The following SON variants were observed in gnomAD, a reference collection of about 807,000 sequenced individuals.
SON encodes protein SON.
Under a neutral mutation model 173.3 loss-of-function variants are expected in SON, and 4 were observed. The ratio of observed to expected loss-of-function variants is 0.02; its 90% CI spans 0.01 to 0.05. SON has a LOEUF of 0.05. Among genes scored for constraint, SON ranks in the 10% least tolerant of loss-of-function variants. SON has a pLI of 1.00. For synonymous variants in SON, 1,190 were observed against 1,105.9 expected, an observed-to-expected ratio of 1.08 and a Z score of -1.51; for missense variants, 2,626 against 3,055.3, an observed-to-expected ratio of 0.86 and a Z score of 3.31.
In SON at chr21:33,552,630, C is replaced by G. The variant is rs148902790; in HGVS notation, c.3399C>G (p.Thr1133=). Reference sequence around the variant, plus strand: ...TGTCTATGGCTGCTGATTCTTACACCGATTCTTACACTGACACATATACAG... The same window carrying G: ...TGTCTATGGCTGCTGATTCTTACACGGATTCTTACACTGACACATATACAG... The part of the protein sequence containing the change: ...SMMSMAADSY[T]DSYTDTYTEA... The change falls in exon 3 of 12, where the codon ACC becomes ACG. Residue 1133 remains threonine, a synonymous_variant. Coordinates refer to ENST00000356577, the MANE Select transcript of SON (RefSeq NM_138927.4). This position sits in a 1 kb window ranked among gnomAD's most constrained non-coding sequence, Gnocchi z 5.6. 1.7e-5 allele frequency: 28 copies of G among 1,613,830 alleles called. No individual in the cohort carries two copies. The highest frequency in any genetic ancestry group is 2.3e-5 in the Non-Finnish European group (27 of 1,179,952).
chr21:33,555,628 A>G (rs986415027), intron 3 of SON, among the ~76,000 whole-genome samples: 1 of 152,186 alleles, frequency 6.6e-6, no homozygotes, highest in Non-Finnish European at 1.5e-5. Flanking sequence ...CCATATTTGA[A>G]TGTTTTATTT....
Position 33,553,642 on chromosome 21 carries a change from C to T in SON, c.4411C>T (p.Pro1471Ser), listed in dbSNP as rs746129514. The T allele has an allele frequency of 1.2e-5, 19 of 1,613,622 alleles. No homozygotes were observed. The East Asian group carries it at 4.2e-4, about 36-fold the overall frequency. The part of the protein sequence containing the change: ...IPTEVAIEST[P>S]MILESSIMSS... ...AACTGAGGTGGCTATAGAGTCCACA[C>T]CAATGATACTGGAATCTAGTATCAT... The change falls in exon 3 of 12, where the codon CCA becomes TCA. Residue 1471 changes from proline (P) to serine (S), a missense_variant. Physicochemically the swap from Pro to Ser is moderately conservative, Grantham distance 74. This residue lies in a region of SON where 1,006 missense variants were observed against 895.6 expected (regional missense o/e 1.12). Transcript: ENST00000356577.
intron 7 of SON, chr21:33,567,608 C>T (rs140920794): frequency 2.3e-4 from 46 of 197,834 alleles, no homozygotes; most frequent in African/African-American, 9.1e-4. Flanking sequence ...ATATTTCAGC[C>T]GAGAAAACTG....
chr21:33,549,799 C>A lies in SON; in HGVS notation c.568C>A (p.Pro190Thr), dbSNP rs1345210024. ...NESPAVVLEP[P>T]VVSMEVSEPH... ...ATCCCCTGCAGTTGTGCTAGAACCT[C>A]CTGTAGTATCAATGGAGGTATCAGA... The change falls in exon 3 of 12, where the codon CCT becomes ACT. Residue 190 changes from proline to threonine, a missense_variant. Pro to Thr is a conservative substitution (Grantham distance 38). Coordinates refer to ENST00000356577, the MANE Select transcript of SON (RefSeq NM_138927.4). 2 of 1,614,220 alleles carry A rather than the reference C, an allele frequency of 1.2e-6. No homozygotes were observed. Among genetic ancestry groups the A allele is most frequent in the South Asian group, 2.2e-5 (2 of 91,086 alleles).
At position 33,551,166 on chromosome 21, in the gene SON, T is replaced by C. The variant is rs764777136; in HGVS notation, c.1935T>C (p.Pro645=). Residue 645 remains proline (P), a synonymous_variant, in exon 3 of 12, where the codon CCT becomes CCC. Coordinates refer to ENST00000356577, the MANE Select transcript of SON (RefSeq NM_138927.4). The part of the protein sequence containing the change: ...QPGAPELPGQ[P]VATVALEISV... ...GGGCGCCAGAGTTGCCTGGGCAGCC[T>C]GTGGCAACTGTGGCGCTGGAGATCT... 36 of 1,613,822 alleles carry C rather than the reference T, an allele frequency of 2.2e-5. No homozygotes were observed. Among genetic ancestry groups the C allele is most frequent in the Non-Finnish European group, 1.9e-5 (22 of 1,179,864 alleles).
At chr21:33,568,919 G>A in intron 7 of SON, 52 bp from the exon 8 acceptor site, 1 of 1,042,984 alleles carries the variant, frequency 9.6e-7, no homozygotes, top group Admixed American at 1.9e-5. Flanking sequence ...TACCAGTGAT[G>A]TTTTAATCAG....
intron 6 of SON, among the ~76,000 whole-genome samples, chr21:33,563,305 C>T (rs765843401): frequency 6.6e-6 from 1 of 152,098 alleles, no homozygotes; most frequent in Admixed American, 6.5e-5. Flanking sequence ...TAAAAAGATT[C>T]GTAATTCACT....
chr21:33,543,496 G>A (rs1294883535), intron 1 of SON: 2 of 346,102 alleles, frequency 5.8e-6, no homozygotes, highest in Admixed American at 4.4e-5. Flanking sequence ...GACGGGCCTA[G>A]TTCCTTCCTC....
rs2145822751 is a variant in SON, at chr21:33,551,440, G to A, written c.2209G>A (p.Ala737Thr). The A allele has an allele frequency of 6.2e-7, 1 of 1,614,132 alleles. No homozygotes were observed. The highest frequency in any genetic ancestry group is 8.5e-7 in the Non-Finnish European group (1 of 1,179,978). Residue 737 changes from alanine (A) to threonine (T), a missense_variant, in exon 3 of 12, where the codon GCG becomes ACG. This residue lies in a region of SON where 182 missense variants were observed against 193.6 expected (regional missense o/e 0.94). Coordinates refer to ENST00000356577, the MANE Select transcript of SON (RefSeq NM_138927.4). ...CAACACCATGGACTCCCAAATGCTA[G>A]CGTCCAACACCATGGACTCCCAGAT... ...ASNTMDSQML[A>T]SNTMDSQMLA... is the part of the protein sequence containing the mutation.
chr21:33,556,955 C>T (rs569933571), intron 3 of SON, among the ~76,000 whole-genome samples: 1 of 150,912 alleles, frequency 6.6e-6, no homozygotes, highest in Admixed American at 6.6e-5. Flanking sequence ...AAACTTTGAG[C>T]CAGTGGTTTG....
At chr21:33,575,342 AACTTT>A in intron 9 of SON, 1 of 319,486 alleles carries the variant, frequency 3.1e-6, no homozygotes, top group Non-Finnish European at 5.7e-6. Flanking sequence ...GGCCATACTT[AACTTT>A]TTGTTTTCTG....
In SON at chr21:33,576,517, C is replaced by G. The variant is rs767234874; in HGVS notation, c.*93C>G. Reference sequence around the variant, plus strand: ...TACTGTGGTTCTTCAAGCAATGGGCCTTGTACCAAAGGACCTCATGGCTAA... The same window carrying G: ...TACTGTGGTTCTTCAAGCAATGGGCGTTGTACCAAAGGACCTCATGGCTAA... On this transcript the variant is annotated 3_prime_UTR_variant, in exon 12 of 12. Coordinates refer to ENST00000356577, the MANE Select transcript of SON (RefSeq NM_138927.4). 2 of 839,936 alleles carry G rather than the reference C, an allele frequency of 2.4e-6. No homozygotes were observed. The highest frequency in any genetic ancestry group is 3.4e-5 in the Admixed American group (2 of 58,914). The allele number at this position is 839,936 out of a possible 1,614,324, so 52.0% of individuals were successfully genotyped here.
Position 33,554,109 on chromosome 21 carries a change from T to C in SON, c.4878T>C (p.Tyr1626=), listed in dbSNP as rs367641702. ...TASTLSLVNK[Y]DVDLSLTTQD... ...CTACTCTCAGTTTAGTTAATAAATA[T>C]GATGTTGATTTATCTTTAACTACTC... The change falls in exon 3 of 12, where the codon TAT becomes TAC. Residue 1626 remains tyrosine, a synonymous_variant. Coordinates refer to ENST00000356577, the MANE Select transcript of SON (RefSeq NM_138927.4). 75 of 1,613,356 alleles carry C rather than the reference T, an allele frequency of 4.6e-5. 1 individual carries two copies. In the Middle Eastern group the frequency reaches 9.9e-4, roughly 21 times the overall value.
chr21:33,564,909 G>A (rs1024263956), intron 6 of SON, among the ~76,000 whole-genome samples: 2 of 151,578 alleles, frequency 1.3e-5, no homozygotes, highest in Admixed American at 6.6e-5. Context: ...TTACTATTTG[G>A]TAATACATTT....
chr21:33,543,352 C>T (rs982412975), intron 1 of SON, 183 bp downstream of exon 1: 4 of 611,338 alleles, frequency 6.5e-6, no homozygotes, highest in African/African-American at 3.8e-5. Flanking sequence ...CCTTCCTTTT[C>T]CCTCGAGGAA....
In SON at chr21:33,552,149, C is replaced by T. The variant is rs146185666; in HGVS notation, c.2918C>T (p.Ala973Val). The change falls in exon 3 of 12, where the codon GCA becomes GTA. Residue 973 changes from alanine (A) to valine (V), a missense_variant. By Grantham distance (64) the Ala-to-Val change is moderately conservative. Coordinates refer to ENST00000356577, the MANE Select transcript of SON (RefSeq NM_138927.4). This position sits in a 1 kb window ranked among gnomAD's most constrained non-coding sequence, Gnocchi z 5.6. ...YRMSPRPYRIAPRSYRIAPRP... is the reference protein window; with the variant it reads ...YRMSPRPYRIVPRSYRIAPRP... ...ATGTCACCTAGACCCTACAGGATAGCACCCAGGTCCTATAGAATAGCACCC... is the reference window on the plus strand; with the variant it reads ...ATGTCACCTAGACCCTACAGGATAGTACCCAGGTCCTATAGAATAGCACCC... The T allele has an allele frequency of 2.0e-4, 325 of 1,613,952 alleles. No homozygotes were observed. The highest frequency in any genetic ancestry group is 2.7e-4 in the Non-Finnish European group (315 of 1,180,000).
chr21:33,553,491 G>A lies in SON; in HGVS notation c.4260G>A (p.Leu1420=). 1 of 1,614,178 alleles carries A rather than the reference G, an allele frequency of 6.2e-7. No homozygotes were observed. ...CGCTGGAGCCTTCTGTGCCTGTTCT[G>A]GAACCAGCGGTGTCAGTCCTTCAAC... ...VSALEPSVPV[L]EPAVSVLQPS... The change falls in exon 3 of 12, where the codon CTG becomes CTA. Residue 1420 remains leucine (L), a synonymous_variant. Transcript: ENST00000356577.
chr21:33,561,733 C>T (rs1195596290), intron 6 of SON, among the ~76,000 whole-genome samples: 1 of 152,072 alleles, frequency 6.6e-6, no homozygotes, highest in Non-Finnish European at 1.5e-5. Flanking sequence ...CAAAAGTTGT[C>T]AGATTTTAAT....
At position 33,550,684 on chromosome 21, in the gene SON, G is replaced by A. The variant is rs2085752473; in HGVS notation, c.1453G>A (p.Val485Met). Residue 485 changes from valine (V) to methionine (M), a missense_variant, in exon 3 of 12, where the codon GTG becomes ATG. Val to Met is a conservative substitution (Grantham distance 21, BLOSUM62 1). Around this residue, in one of 13 missense-constraint regions of SON, gnomAD observed 757 missense variants for 730.1 expected, o/e 1.04. Transcript: ENST00000356577. ...MAQELPGLPL[V>M]TAAVELPEQP... The stretch of plus-strand genomic sequence containing the variant: ...ACAGGAGTTGCCAGGGCTGCCTTTG[G>A]TGACAGCAGCAGTAGAGTTGCCAGA... 2 of 1,613,996 alleles carry A rather than the reference G, an allele frequency of 1.2e-6. No individual in the cohort carries two copies. The highest frequency in any genetic ancestry group is 1.3e-5 in the African/African-American group (1 of 74,898).
Sources: gnomAD v4.1 joint callset for allele counts (sites outside exome capture counted in the v4.1 genomes callset) on GRCh38, gnomAD v4.1.1 for gene constraint, gnomAD v4.1.1 regional missense constraint, Gnocchi (gnomAD v3.1) non-coding constraint, MANE v1.5 for transcripts, NCBI Gene and HGNC (gene_info 2026-07-23, HGNC 2026-07-21) for gene names.